The following NDST3 variants were observed in gnomAD, a reference collection of about 807,000 sequenced individuals.
NDST3 encodes N-deacetylase and N-sulfotransferase 3.
Under a neutral mutation model 96.1 loss-of-function variants are expected in NDST3, and 58 were observed. The ratio of observed to expected loss-of-function variants is 0.60; its 90% CI spans 0.49 to 0.75. The LOEUF (loss-of-function observed/expected upper bound fraction) is 0.75. NDST3 is among the 30% of genes least tolerant of loss of function. The probability of loss-of-function intolerance (pLI) is 0.00; values close to 1 mark genes in which losing one functional copy is unlikely to be tolerated. For synonymous variants in NDST3, 333 were observed against 359.7 expected (o/e 0.93, Z 0.84); for missense variants, 788 against 1,034.2 (o/e 0.76, Z 3.27).
chr4:118,221,028 G>A (rs1456656708), intron 6 of NDST3, among the ~76,000 whole-genome samples: 1 of 151,884 alleles, frequency 6.6e-6, no homozygotes, highest in African/African-American at 2.4e-5. Context: ...AAGACCACTA[G>A]GGATTATTAA....
intron 4 of NDST3, among the ~76,000 whole-genome samples, chr4:118,127,980 T>G (rs976920094): frequency 2.6e-5 from 4 of 152,084 alleles, no homozygotes; most frequent in Admixed American, 6.6e-5. Context: ...GACTTGTTTT[T>G]TACATTGTTC....
At chr4:118,193,638 G>T in intron 6 of NDST3, 1 of 1,290,046 alleles carries the variant, frequency 7.8e-7, no homozygotes, top group Non-Finnish European at 1.1e-6. Context: ...TTGGGGTAGA[G>T]CTGCAAGACC....
chr4:118,063,440 T>A (rs1726060980), intron 2 of NDST3, among the ~76,000 whole-genome samples: 1 of 152,202 alleles, frequency 6.6e-6, no homozygotes, highest in Non-Finnish European at 1.5e-5. Context: ...TGAAACACAT[T>A]TTTGATAAAG....
intron 3 of NDST3, among the ~76,000 whole-genome samples, chr4:118,110,131 T>C (rs967399810): frequency 3.9e-5 from 6 of 152,214 alleles, no homozygotes; most frequent in African/African-American, 1.4e-4. Context: ...CTAGGGAAGC[T>C]GAATGGCAAA....
chr4:118,053,933 A>G lies in NDST3; in HGVS notation c.23A>G (p.His8Arg), dbSNP rs1560609401. Residue 8 changes from histidine (H) to arginine (R), a missense_variant, in exon 2 of 14, where the codon CAC (histidine) becomes CGC (arginine). Physicochemically the swap from His to Arg is conservative, Grantham distance 29. Around this residue, in one of 3 missense-constraint regions of NDST3, gnomAD observed 234 missense variants for 256.9 expected, o/e 0.91. Coordinates refer to ENST00000296499, the MANE Select transcript of NDST3 (RefSeq NM_004784.3). MSFIMKL[H>R]RHFQRTVILL... ...AACATGAGTTTTATCATGAAGCTTC[A>G]CAGACACTTTCAAAGAACAGTCATT... 3.7e-6 allele frequency: 6 copies of G among 1,608,152 alleles called. No homozygotes were observed. Among genetic ancestry groups the G allele is most frequent in the Non-Finnish European group, 5.1e-6 (6 of 1,176,480 alleles).
intron 12 of NDST3, among the ~76,000 whole-genome samples, chr4:118,249,102 G>A (rs531441048): frequency 2.0e-5 from 3 of 152,228 alleles, no homozygotes; most frequent in East Asian, 1.9e-4. Context: ...TTAATTAGCC[G>A]ACATAAAAGA....
chr4:118,137,450 A>C (rs1439664533), intron 4 of NDST3, among the ~76,000 whole-genome samples: 1 of 151,926 alleles, frequency 6.6e-6, no homozygotes. Context: ...AACTTTCACT[A>C]TAAGGGCTTC....
intron 2 of NDST3, among the ~76,000 whole-genome samples, chr4:118,102,907 G>A (rs914315938): frequency 6.6e-6 from 1 of 152,024 alleles, no homozygotes; most frequent in Non-Finnish European, 1.5e-5. Context: ...TCTTTTATGT[G>A]TTTAGTGTTT....
chr4:118,106,818 T>G lies in NDST3; in HGVS notation c.1069+1713T>G, dbSNP rs1578649644. On this transcript the variant is annotated intron_variant, in intron 3 of 13. Transcript: ENST00000296499. The stretch of plus-strand genomic sequence containing the variant: ...AAAAAAAAATCTAATTGGCTGGGTG[T>G]GGTGGCTCATGCCTGTAATCCCAGC... Among the ~76,000 whole-genome samples, 7 of 151,796 alleles carry G rather than the reference T, an allele frequency of 4.6e-5. No homozygotes were observed. In the South Asian group the frequency reaches 1.5e-3, roughly 32 times the overall value.
At chr4:118,140,074 C>T (rs979726722) in intron 5 of NDST3, among the ~76,000 whole-genome samples, 1 of 152,148 alleles carries the variant, frequency 6.6e-6, no homozygotes, top group Non-Finnish European at 1.5e-5. Flanking sequence ...TACCTGAAAA[C>T]CATCTGGACT....
At chr4:118,066,091 T>G (rs1426637386) in intron 2 of NDST3, among the ~76,000 whole-genome samples, 2 of 44,134 alleles carry the variant, frequency 4.5e-5, no homozygotes, top group Admixed American at 4.4e-4. Context: ...TATTATATAT[T>G]ATATATATTA....
chr4:118,107,481 G>C (rs1418474716), intron 3 of NDST3, among the ~76,000 whole-genome samples: 1 of 152,034 alleles, frequency 6.6e-6, no homozygotes, highest in Admixed American at 6.5e-5. Context: ...AAACCATATA[G>C]AAAAAGCTCT....
chr4:118,133,866 T>C (rs1732847232), intron 4 of NDST3, among the ~76,000 whole-genome samples: 1 of 152,338 alleles, frequency 6.6e-6, no homozygotes, highest in East Asian at 1.9e-4. Context: ...GTACTTGCCA[T>C]TGGCAAGACA....
At chr4:118,113,306 GA>G (rs1169619391) in intron 3 of NDST3, among the ~76,000 whole-genome samples, 1 of 151,942 alleles carries the variant, frequency 6.6e-6, no homozygotes, top group African/African-American at 2.4e-5. Flanking sequence ...ATATGAAGAA[GA>G]AAAAAATAAA....
chr4:118,154,516 G>A (rs1179525875), intron 6 of NDST3, among the ~76,000 whole-genome samples: 4 of 152,194 alleles, frequency 2.6e-5, no homozygotes, highest in Non-Finnish European at 5.9e-5. Flanking sequence ...ACATTTGGCA[G>A]AGTCTCTGCT....
intron 12 of NDST3, among the ~76,000 whole-genome samples, chr4:118,246,877 G>C (rs1232321292): frequency 6.6e-6 from 1 of 152,126 alleles, no homozygotes; most frequent in Non-Finnish European, 1.5e-5. Context: ...TAAAATCCAA[G>C]GTGAGATTTG....
intron 10 of NDST3, among the ~76,000 whole-genome samples, chr4:118,238,121 AAG>A (rs377411135): frequency 0.032 from 2,939 of 91,092 alleles, 139 homozygotes; most frequent in African/African-American, 0.078. Flanking sequence ...CTGTCAAAAG[AAG>A]AGAGAGAGAG....
chr4:118,237,187 T>C lies in NDST3; in HGVS notation c.2085T>C (p.Ile695=), dbSNP rs1054661453. ...AAGCCAAGATTATCACCATTCTCAT[T>C]GACCCTTCAGACCGAGCATACTCCT... is the stretch of plus-strand genomic sequence containing the variant. ...VPKAKIITIL[I]DPSDRAYSWY... The change falls in exon 10 of 14, where the codon ATT becomes ATC. Residue 695 remains isoleucine, a synonymous_variant. Coordinates refer to ENST00000296499, the MANE Select transcript of NDST3 (RefSeq NM_004784.3). The C allele has an allele frequency of 2.1e-5, 34 of 1,613,324 alleles. No homozygotes were observed. The highest frequency in any genetic ancestry group is 2.7e-5 in the Non-Finnish European group (32 of 1,179,668).
At chr4:118,157,049 G>C (rs1471942260) in intron 6 of NDST3, among the ~76,000 whole-genome samples, 1 of 152,082 alleles carries the variant, frequency 6.6e-6, no homozygotes, top group Non-Finnish European at 1.5e-5. Context: ...ACATCAAATA[G>C]TGGGAACAAC....
Sources: gnomAD v4.1 joint callset for allele counts (sites outside exome capture counted in the v4.1 genomes callset) on GRCh38, gnomAD v4.1.1 for gene constraint, gnomAD v4.1.1 regional missense constraint, MANE v1.5 for transcripts, NCBI Gene and HGNC (gene_info 2026-07-23, HGNC 2026-07-21) for gene names.